The following AGXT2 variants were observed in gnomAD, a reference collection of about 807,000 sequenced individuals.
AGXT2 encodes alanine--glyoxylate aminotransferase 2, mitochondrial.
Under a neutral mutation model 62.5 loss-of-function variants are expected in AGXT2, and 61 were observed. That is an observed-to-expected ratio of 0.98 (90% CI 0.79 to 1.21). The LOEUF (loss-of-function observed/expected upper bound fraction) is 1.21. AGXT2 is among the 50% of genes most tolerant of loss of function. AGXT2 has a pLI of 0.00. For synonymous variants in AGXT2, 243 were observed against 218.7 expected (o/e 1.11, Z -0.98); for missense variants, 666 against 641.5 (o/e 1.04, Z -0.41).
chr5:35,039,372 A>G lies in AGXT2; in HGVS notation c.314T>C (p.Leu105Pro), dbSNP rs1239449761. Residue 105 changes from leucine (L) to proline (P), a missense_variant, in exon 3 of 14, where the codon CTG becomes CCG. By Grantham distance (98) the Leu-to-Pro change is moderately conservative. Coordinates refer to ENST00000231420, the MANE Select transcript of AGXT2 (RefSeq NM_031900.4). ...WLFDAEGSRY[L>P]DFFSGIVTVS... ...AGTAACAATCCCGGAAAAGAAATCC[A>G]GGTATCTGCTTCCTTCAGCATCAAA... 1.1e-5 allele frequency: 17 copies of G among 1,614,180 alleles called. No individual in the cohort carries two copies. Among genetic ancestry groups the G allele is most frequent in the Non-Finnish European group, 1.3e-5 (15 of 1,179,982 alleles).
intron 1 of AGXT2, among the ~76,000 whole-genome samples, chr5:35,041,421 G>C (rs1424455425): frequency 6.6e-6 from 1 of 152,066 alleles, no homozygotes; most frequent in Non-Finnish European, 1.5e-5. Flanking sequence ...AGCTAGTTAG[G>C]TGAAGAACGG....
chr5:35,043,010 G>A (rs10521023), intron 1 of AGXT2, among the ~76,000 whole-genome samples: 22,176 of 152,178 alleles, frequency 0.15, 2,113 homozygotes, highest in South Asian at 0.22. Flanking sequence ...TTGGAGAACA[G>A]CATCGCTTTT....
rs535765069 is a variant in AGXT2 at position 35,032,728 on chromosome 5, G to A, written c.769+4C>T. The stretch of plus-strand genomic sequence containing the variant: ...CCACTGGCACCCCCCTTGCCCAGTC[G>A]GACCTGGTGCACAGCTGCACTTCCT... On this transcript the variant is annotated splice_donor_region_variant and intron_variant, in intron 7 of 13. Coordinates refer to ENST00000231420, the MANE Select transcript of AGXT2 (RefSeq NM_031900.4). 1.8e-5 allele frequency: 29 copies of A among 1,603,052 alleles called. No homozygotes were observed. Among genetic ancestry groups the A allele is most frequent in the South Asian group, 1.8e-4 (16 of 88,994 alleles).
At chr5:35,034,728 G>C (rs1283688563) in intron 5 of AGXT2, among the ~76,000 whole-genome samples, 3 of 152,188 alleles carry the variant, frequency 2.0e-5, no homozygotes, top group African/African-American at 7.2e-5. Flanking sequence ...GAAATATACA[G>C]GGTTATATGT....
At chr5:35,001,150 GGT>G (rs1430514751) in intron 13 of AGXT2, among the ~76,000 whole-genome samples, 4 of 152,142 alleles carry the variant, frequency 2.6e-5, no homozygotes, top group Non-Finnish European at 5.9e-5. Flanking sequence ...ATTTAGGAGG[GGT>G]TTATCAGGAG....
At chr5:35,019,701 A>G (rs1000564489) in intron 9 of AGXT2, among the ~76,000 whole-genome samples, 20 of 152,230 alleles carry the variant, frequency 1.3e-4, no homozygotes, top group Non-Finnish European at 2.9e-4. Flanking sequence ...AAAAGCTAGA[A>G]GAAGGCAAGA....
At chr5:35,022,907 G>A (rs540189435) in intron 9 of AGXT2, among the ~76,000 whole-genome samples, 104 of 151,666 alleles carry the variant, frequency 6.9e-4, no homozygotes, top group Middle Eastern at 3.4e-3. Flanking sequence ...CTGTAAACTA[G>A]AAAAGGCAGA....
chr5:34,999,857 T>A (rs1766164865), intron 13 of AGXT2, among the ~76,000 whole-genome samples: 1 of 152,172 alleles, frequency 6.6e-6, no homozygotes, highest in Non-Finnish European at 1.5e-5. Context: ...ATTGTCCACC[T>A]ATGCCCTTGA....
At chr5:35,018,763 A>G (rs1766949402) in intron 9 of AGXT2, among the ~76,000 whole-genome samples, 1 of 142,586 alleles carries the variant, frequency 7.0e-6, no homozygotes, top group African/African-American at 2.7e-5. Flanking sequence ...GCTCCAATTA[A>G]AAGACACAGA....
intron 7 of AGXT2, among the ~76,000 whole-genome samples, chr5:35,027,488 C>T (rs1767402404): frequency 6.6e-6 from 1 of 152,062 alleles, no homozygotes; most frequent in South Asian, 2.1e-4. Flanking sequence ...AACTTGCTTT[C>T]TTATTCTTCA....
Position 34,998,718 on chromosome 5 carries a change from G to A in AGXT2, c.*1C>T. 1 of 1,606,908 alleles carries A rather than the reference G, an allele frequency of 6.2e-7. No homozygotes were observed. The highest frequency in any genetic ancestry group is 2.2e-5 in the East Asian group (1 of 44,832). On this transcript the variant is annotated 3_prime_UTR_variant, in exon 14 of 14. Coordinates refer to ENST00000231420, the MANE Select transcript of AGXT2 (RefSeq NM_031900.4). ...TGTGGTTTTATTTATTTCTGACAATGTTACTTAGCTCTTCTTTCCATGTGT... is the reference window on the plus strand; with the variant it reads ...TGTGGTTTTATTTATTTCTGACAATATTACTTAGCTCTTCTTTCCATGTGT...
chr5:35,022,579 G>T (rs1244989997), intron 9 of AGXT2, among the ~76,000 whole-genome samples: 4 of 120,172 alleles, frequency 3.3e-5, no homozygotes, highest in East Asian at 3.1e-4. Context: ...GTTGTGGGGT[G>T]GGGGGAGGGG....
At chr5:35,029,247 G>T (rs1179443767) in intron 7 of AGXT2, among the ~76,000 whole-genome samples, 4 of 152,154 alleles carry the variant, frequency 2.6e-5, no homozygotes, top group Non-Finnish European at 2.9e-5. Context: ...AGAGAAAACA[G>T]CTTCAGATGA....
intron 9 of AGXT2, among the ~76,000 whole-genome samples, chr5:35,021,469 G>A (rs1391807109): frequency 6.6e-6 from 1 of 150,394 alleles, no homozygotes; most frequent in Admixed American, 6.6e-5. Flanking sequence ...ACAAGCAATG[G>A]GGAAAGGATT....
intron 9 of AGXT2, among the ~76,000 whole-genome samples, chr5:35,022,308 G>C (rs1168868029): frequency 1.3e-5 from 2 of 151,950 alleles, no homozygotes; most frequent in African/African-American, 2.4e-5. Flanking sequence ...CAATAGCAAA[G>C]ACTTGGAACC....
chr5:35,040,895 C>A (rs946259749), intron 1 of AGXT2, among the ~76,000 whole-genome samples: 1 of 152,036 alleles, frequency 6.6e-6, no homozygotes. Flanking sequence ...CTACGGCAGT[C>A]CCTCACAAAC....
intron 9 of AGXT2, among the ~76,000 whole-genome samples, chr5:35,023,097 T>G (rs1767175592): frequency 6.8e-6 from 1 of 147,862 alleles, no homozygotes; most frequent in South Asian, 2.2e-4. Flanking sequence ...TTCATTTGTT[T>G]GTATAGGTTT....
intron 1 of AGXT2, among the ~76,000 whole-genome samples, chr5:35,044,521 A>C (rs1768113464): frequency 6.6e-6 from 1 of 152,154 alleles, no homozygotes. Flanking sequence ...GCATCCGCTA[A>C]GCAAAGCTGC....
intron 11 of AGXT2, 107 bp from the exon 12 acceptor site, chr5:35,010,256 G>A: frequency 7.2e-7 from 1 of 1,386,998 alleles, no homozygotes; most frequent in East Asian, 2.3e-5. Context: ...TAACCAAACA[G>A]AATGCAGAAC....
Sources: gnomAD v4.1 joint callset for allele counts (sites outside exome capture counted in the v4.1 genomes callset) on GRCh38, gnomAD v4.1.1 for gene constraint, MANE v1.5 for transcripts, NCBI Gene and HGNC (gene_info 2026-07-23, HGNC 2026-07-21) for gene names.